SHCBP1L: variants seen among roughly 807,000 people sequenced by gnomAD.
SHCBP1L encodes SHC binding and spindle associated 1 like.
Under a neutral mutation model 62.5 loss-of-function variants are expected in SHCBP1L, and 67 were observed. The ratio of observed to expected loss-of-function variants is 1.07; its 90% confidence interval spans 0.88 to 1.31. The LOEUF (loss-of-function observed/expected upper bound fraction) is 1.31, where lower values mean the gene tolerates loss of function less well. Ranked by LOEUF, SHCBP1L falls within the 40% of genes most tolerant of loss-of-function variation. The pLI is 0.00. For missense variants in SHCBP1L, 823 were observed against 809.8 expected (o/e 1.02, Z -0.20); for synonymous variants, 284 against 289.4 (o/e 0.98, Z 0.19).
chr1:182,905,215 T>G (rs111353712), intron 7 of SHCBP1L, among the ~76,000 whole-genome samples: 6,217 of 152,278 alleles, frequency 0.041, 380 homozygotes, highest in African/African-American at 0.14. Flanking sequence ...TTTGAGAAAA[T>G]GATGAGCATA....
intron 5 of SHCBP1L, among the ~76,000 whole-genome samples, chr1:182,930,591 ATAT>A (rs1650947887): frequency 3.2e-5 from 4 of 123,790 alleles, no homozygotes; most frequent in Non-Finnish European, 6.8e-5. Context: ...ATATATATAT[ATAT>A]ACACATATAT....
At chr1:182,916,563 A>G (rs1272602216) in intron 6 of SHCBP1L, among the ~76,000 whole-genome samples, 1 of 152,300 alleles carries the variant, frequency 6.6e-6, no homozygotes, top group East Asian at 1.9e-4. Flanking sequence ...ATGATATTCT[A>G]TGATTATACT....
At chr1:182,931,299 T>G (rs1012299925) in intron 5 of SHCBP1L, among the ~76,000 whole-genome samples, 1 of 152,018 alleles carries the variant, frequency 6.6e-6, no homozygotes, top group African/African-American at 2.4e-5. Flanking sequence ...AAGTAAGACA[T>G]CCTAAACATT....
intron 2 of SHCBP1L, among the ~76,000 whole-genome samples, chr1:182,941,353 A>G (rs1338925592): frequency 1.3e-5 from 2 of 151,890 alleles, no homozygotes; most frequent in East Asian, 3.9e-4. Flanking sequence ...CAGACATTTC[A>G]ATTTGTACAC....
chr1:182,953,148 G>T lies in SHCBP1L; in HGVS notation c.-15C>A. ...CCCGACGCCATCTCCTCAGCAGCCC[G>T]AGGGCCGAGGCAGCCGTTGGCCACT... is the stretch of plus-strand genomic sequence containing the variant. On this transcript the variant is annotated 5_prime_UTR_variant, in exon 1 of 10. Transcript: ENST00000367547. The T allele has an allele frequency of 6.3e-7, 1 of 1,575,364 alleles. No homozygotes were observed. Among genetic ancestry groups the T allele is most frequent in the African/African-American group, 1.3e-5 (1 of 74,472 alleles).
At chr1:182,929,017 A>C (rs1360528505) in intron 6 of SHCBP1L, among the ~76,000 whole-genome samples, 1 of 152,206 alleles carries the variant, frequency 6.6e-6, no homozygotes, top group East Asian at 1.9e-4. Flanking sequence ...GAAAACCTTG[A>C]AAGTATACTA....
At chr1:182,924,708 GAAAGAAAGA>G (rs1650631478) in intron 6 of SHCBP1L, among the ~76,000 whole-genome samples, 2 of 32,210 alleles carry the variant, frequency 6.2e-5, no homozygotes, top group Non-Finnish European at 9.8e-5. Context: ...AAGGAAGAAA[GAAAGAAAGA>G]AAGAAAGAAA....
intron 6 of SHCBP1L, among the ~76,000 whole-genome samples, chr1:182,920,785 G>A (rs1650504309): frequency 6.6e-6 from 1 of 152,076 alleles, no homozygotes; most frequent in African/African-American, 2.4e-5. Context: ...AATAGACCAG[G>A]CTGAGGAAAG....
chr1:182,951,263 T>C (rs1651735421), intron 2 of SHCBP1L, 55 bp downstream of exon 2: 2 of 1,307,804 alleles, frequency 1.5e-6, no homozygotes, highest in Non-Finnish European at 2.1e-6. Flanking sequence ...AGTCATATTT[T>C]AGTCTTTAAA....
At chr1:182,933,374 A>C (rs1226400360) in intron 5 of SHCBP1L, among the ~76,000 whole-genome samples, 2 of 152,170 alleles carry the variant, frequency 1.3e-5, no homozygotes, top group South Asian at 4.1e-4. Context: ...GTACAATTTG[A>C]ATAAAAGTGG....
chr1:182,936,716 C>CTAT (rs1329855661), intron 5 of SHCBP1L, among the ~76,000 whole-genome samples: 6 of 151,964 alleles, frequency 3.9e-5, no homozygotes, highest in South Asian at 4.2e-4. Context: ...ATCATTACCA[C>CTAT]TATTATGTTA....
At chr1:182,924,786 A>AAAGAAAG (rs1650654249) in intron 6 of SHCBP1L, among the ~76,000 whole-genome samples, 2 of 93,012 alleles carry the variant, frequency 2.2e-5, no homozygotes, top group African/African-American at 1.9e-4. Flanking sequence ...GAAAGAAAGA[A>AAAGAAAG]AGAGAGAAAG....
chr1:182,902,328 G>A (rs1359600446), intron 9 of SHCBP1L, among the ~76,000 whole-genome samples: 1 of 152,030 alleles, frequency 6.6e-6, no homozygotes, highest in Non-Finnish European at 1.5e-5. Context: ...TAGGATTACA[G>A]GTGTGAGCCA....
At position 182,952,861 on chromosome 1, in the gene SHCBP1L, C is replaced by A. The variant is rs1397756059; in HGVS notation, c.273G>T (p.Glu91Asp). 3.1e-6 allele frequency: 5 copies of A among 1,604,996 alleles called. No homozygotes were observed. Among genetic ancestry groups the A allele is most frequent in the Admixed American group, 1.7e-5 (1 of 59,138 alleles). The change falls in exon 1 of 10, where the codon GAG (glutamate) becomes GAT (aspartate). Residue 91 changes from glutamate to aspartate, a missense_variant. Transcript: ENST00000367547. Reference protein sequence around the residue: ...TGEAAAAAAEEPLLPVPEDEE... With the variant: ...TGEAAAAAAEDPLLPVPEDEE... ...CATCCTCAGGCACTGGCAGCAGGGG[C>A]TCCTCCGCCGCCGCCGCCGCCGCCT... is the stretch of plus-strand genomic sequence containing the variant.
chr1:182,951,559 TA>T, intron 1 of SHCBP1L, 92 bp from the exon 2 acceptor site: 1 of 908,180 alleles, frequency 1.1e-6, no homozygotes, highest in Non-Finnish European at 1.5e-6. Flanking sequence ...ATTTCTATTT[TA>T]AAATGGAACC....
intron 2 of SHCBP1L, among the ~76,000 whole-genome samples, chr1:182,947,993 T>G (rs1002744518): frequency 6.6e-6 from 1 of 152,242 alleles, no homozygotes; most frequent in Non-Finnish European, 1.5e-5. Flanking sequence ...ATTTTCTTAA[T>G]AACATTTTCT....
chr1:182,933,401 T>C (rs1349284144), intron 5 of SHCBP1L, among the ~76,000 whole-genome samples: 2 of 152,220 alleles, frequency 1.3e-5, no homozygotes, highest in African/African-American at 4.8e-5. Context: ...TAAATATCCT[T>C]ATCATGCTCC....
At chr1:182,928,359 G>A (rs1322241202) in intron 6 of SHCBP1L, among the ~76,000 whole-genome samples, 2 of 152,114 alleles carry the variant, frequency 1.3e-5, no homozygotes, top group Non-Finnish European at 2.9e-5. Context: ...CTCTCAAGAA[G>A]CTCACATACT....
intron 7 of SHCBP1L, 125 bp from the exon 8 acceptor site, chr1:182,904,555 G>C: frequency 2.3e-6 from 2 of 859,950 alleles, no homozygotes; most frequent in Middle Eastern, 6.8e-4. Context: ...GTGTGTGTGT[G>C]TGTGTGTGTG....
Sources: gnomAD v4.1 joint callset for allele counts (sites outside exome capture counted in the v4.1 genomes callset) on GRCh38, gnomAD v4.1.1 for gene constraint, MANE v1.5 for transcripts, NCBI Gene and HGNC (gene_info 2026-07-23, HGNC 2026-07-21) for gene names.